ZNF385D: variants seen among roughly 807,000 people sequenced by gnomAD.
ZNF385D encodes zinc finger protein 659.
In ZNF385D, 15 loss-of-function variants were observed where a neutral mutation model predicts 35.8. The observed-to-expected ratio is 0.42, with a 90% confidence interval of 0.28 to 0.64. The LOEUF (loss-of-function observed/expected upper bound fraction) is 0.64, where lower values mean the gene tolerates loss of function less well. ZNF385D is among the 30% of genes least tolerant of loss of function. The probability of loss-of-function intolerance (pLI) is 0.23; values close to 1 mark genes in which losing one functional copy is unlikely to be tolerated. For missense variants in ZNF385D, 474 were observed against 494.6 expected, an observed-to-expected ratio of 0.96 and a Z score of 0.39; for synonymous variants, 212 against 186.8, an observed-to-expected ratio of 1.13 and a Z score of -1.10.
At chr3:22,168,799 A>G (rs2125757488) in intron 3 of ZNF385D, 3 of 985,018 alleles carry the variant, frequency 3.0e-6, no homozygotes, top group Non-Finnish European at 3.6e-6. Context: ...TTGAGAAAAT[A>G]TTTTTAGAAA....
At chr3:21,884,336 C>T (rs1214800689) in intron 3 of ZNF385D, among the ~76,000 whole-genome samples, 1 of 151,934 alleles carries the variant, frequency 6.6e-6, no homozygotes, top group Non-Finnish European at 1.5e-5. Flanking sequence ...AGTAAATCAC[C>T]ATCCCTTCGC....
intron 3 of ZNF385D, among the ~76,000 whole-genome samples, chr3:22,031,534 G>T (rs1426461308): frequency 6.6e-6 from 1 of 152,164 alleles, no homozygotes; most frequent in Admixed American, 6.5e-5. Context: ...GCTGGAGTTG[G>T]AGCGGCTGAG....
At chr3:22,281,937 C>G (rs1701765668) in intron 2 of ZNF385D, among the ~76,000 whole-genome samples, 1 of 151,914 alleles carries the variant, frequency 6.6e-6, no homozygotes, top group African/African-American at 2.4e-5. Flanking sequence ...TGTTATTGGT[C>G]TGTTCAGAGT....
At chr3:22,038,954 C>A (rs1479114640) in intron 3 of ZNF385D, among the ~76,000 whole-genome samples, 1 of 150,334 alleles carries the variant, frequency 6.7e-6, no homozygotes, top group Admixed American at 6.6e-5. Context: ...TCAGGCATGA[C>A]TCAATGAAGA....
At chr3:21,488,070 C>T (rs907406236) in intron 4 of ZNF385D, among the ~76,000 whole-genome samples, 2 of 151,748 alleles carry the variant, frequency 1.3e-5, no homozygotes, top group Non-Finnish European at 2.9e-5. Context: ...TACATATTTA[C>T]ATCGTCACAC....
At chr3:21,700,673 A>C (rs1191090034) in intron 1 of ZNF385D, among the ~76,000 whole-genome samples, 3 of 152,198 alleles carry the variant, frequency 2.0e-5, no homozygotes, top group Admixed American at 2.0e-4. Flanking sequence ...AAGATAAATA[A>C]GAATACCTGT....
chr3:22,348,758 C>G (rs1367654745), intron 2 of ZNF385D, among the ~76,000 whole-genome samples: 1 of 152,102 alleles, frequency 6.6e-6, no homozygotes, highest in African/African-American at 2.4e-5. Flanking sequence ...TGTGAAGAGT[C>G]TGGCAGAAGA....
In ZNF385D at chr3:22,253,354, GA is replaced by G. The variant is rs151170912; in HGVS notation, c.107-84320del. On this transcript the variant is annotated intron_variant, in intron 2 of 5. Coordinates refer to the ZNF385D transcript ENST00000494108. ...GTTAGTTGCATCAAGAAAGCAATTAGAAAAAAAATAGGAACATAAGTGAAAA... is the reference window on the plus strand; with the variant it reads ...GTTAGTTGCATCAAGAAAGCAATTAGAAAAAAATAGGAACATAAGTGAAAA... 5.9e-3 allele frequency among the ~76,000 whole-genome samples: 897 copies of G among 151,686 alleles called. 6 individuals are homozygous for G. The highest frequency in any genetic ancestry group is 0.02 in the African/African-American group (847 of 41,436).
intron 3 of ZNF385D, among the ~76,000 whole-genome samples, chr3:21,857,415 T>C (rs1202861173): frequency 2.0e-5 from 3 of 152,000 alleles, no homozygotes; most frequent in Admixed American, 6.6e-5. Context: ...TAACTCTATT[T>C]AAGTAGTTTT....
intron 3 of ZNF385D, among the ~76,000 whole-genome samples, chr3:21,860,788 G>A (rs958678065): frequency 2.6e-5 from 4 of 152,146 alleles, no homozygotes; most frequent in Non-Finnish European, 5.9e-5. Flanking sequence ...CTCCAGGGAA[G>A]GCCAGGATAA....
At chr3:22,277,231 T>C (rs1400490791) in intron 2 of ZNF385D, among the ~76,000 whole-genome samples, 1 of 152,086 alleles carries the variant, frequency 6.6e-6, no homozygotes. Context: ...AGCAGAGCTG[T>C]GGGTTCAACA....
chr3:21,429,653 A>C (rs1701199345), intron 5 of ZNF385D, among the ~76,000 whole-genome samples: 1 of 152,142 alleles, frequency 6.6e-6, no homozygotes, highest in African/African-American at 2.4e-5. Flanking sequence ...AAAATTACAA[A>C]GAAAGTTTCA....
chr3:21,429,245 G>T (rs943285325), intron 5 of ZNF385D, among the ~76,000 whole-genome samples: 1 of 151,658 alleles, frequency 6.6e-6, no homozygotes, highest in Non-Finnish European at 1.5e-5. Flanking sequence ...CCAACTAGAG[G>T]TATATAAAAA....
chr3:22,247,174 T>C (rs1484528306), intron 2 of ZNF385D, among the ~76,000 whole-genome samples: 1 of 152,150 alleles, frequency 6.6e-6, no homozygotes, highest in Non-Finnish European at 1.5e-5. Flanking sequence ...AATCCAGCTT[T>C]ATTTCCTATT....
intron 4 of ZNF385D, among the ~76,000 whole-genome samples, chr3:21,497,726 G>C (rs1706018774): frequency 6.6e-6 from 1 of 152,108 alleles, no homozygotes; most frequent in Non-Finnish European, 1.5e-5. Flanking sequence ...GCTCATGCCT[G>C]TAGTCCCAGC....
rs1299408598 is a variant in ZNF385D, at chr3:22,318,392, C to T, written c.106+54058G>A. Among the ~76,000 whole-genome samples the T allele has an allele frequency of 2.0e-5, 3 of 152,056 alleles. No homozygotes were observed. The East Asian group carries it at 5.8e-4, about 29-fold the overall frequency. On this transcript the variant is annotated intron_variant, in intron 2 of 5. Coordinates refer to the ZNF385D transcript ENST00000494108. Reference sequence around the variant, plus strand: ...AGAGCAAACATCAGATAACCTTGATCGATCAATAAAGAACCAGACAAGTTT... The same window carrying T: ...AGAGCAAACATCAGATAACCTTGATTGATCAATAAAGAACCAGACAAGTTT...
At chr3:21,661,919 A>G (rs1192002767) in intron 2 of ZNF385D, among the ~76,000 whole-genome samples, 1 of 152,152 alleles carries the variant, frequency 6.6e-6, no homozygotes, top group Non-Finnish European at 1.5e-5. Flanking sequence ...CAATAATAAG[A>G]GATATCCACT....
At chr3:21,733,273 T>C (rs2069099218) in intron 1 of ZNF385D, among the ~76,000 whole-genome samples, 1 of 152,196 alleles carries the variant, frequency 6.6e-6, no homozygotes. Flanking sequence ...TACCACAATA[T>C]CTTGATTATT....
intron 2 of ZNF385D, among the ~76,000 whole-genome samples, chr3:22,260,926 A>G (rs1700594229): frequency 6.6e-6 from 1 of 152,100 alleles, no homozygotes; most frequent in Admixed American, 6.6e-5. Context: ...CCATTATGCT[A>G]CTATTTCAAA....
Sources: gnomAD v4.1 joint callset for allele counts (sites outside exome capture counted in the v4.1 genomes callset) on GRCh38, gnomAD v4.1.1 for gene constraint, MANE v1.5 for transcripts, NCBI Gene and HGNC (gene_info 2026-07-23, HGNC 2026-07-21) for gene names.